The following ME3 variants were observed in gnomAD, a reference collection of about 807,000 sequenced individuals.
ME3 encodes NADP-dependent malic enzyme, mitochondrial.
ME3 carries 48 observed loss-of-function variants against 68.9 expected under a neutral mutation model. The observed-to-expected ratio is 0.70, with a 90% CI of 0.55 to 0.89. ME3 has a LOEUF of 0.89. Among genes scored for constraint, ME3 ranks in the 40% least tolerant of loss-of-function variants. The pLI is 0.00. For synonymous variants in ME3, 320 were observed against 318.8 expected, an observed-to-expected ratio of 1.00 and a Z score of -0.04; for missense variants, 675 against 797.4, an observed-to-expected ratio of 0.85 and a Z score of 1.85.
intron 7 of ME3, among the ~76,000 whole-genome samples, chr11:86,465,738 G>T (rs1950444494): frequency 6.6e-6 from 1 of 152,226 alleles, no homozygotes; most frequent in African/African-American, 2.4e-5. Context: ...AAGATGAAAG[G>T]ATGGTTAGGA....
intron 4 of ME3, among the ~76,000 whole-genome samples, chr11:86,530,249 A>G (rs79048672): frequency 6.6e-6 from 1 of 151,936 alleles, no homozygotes; most frequent in Admixed American, 6.6e-5. Context: ...CCATTCACAA[A>G]TGCTTCAAAG....
chr11:86,548,573 T>G (rs978249079), intron 4 of ME3, among the ~76,000 whole-genome samples: 1 of 152,194 alleles, frequency 6.6e-6, no homozygotes, highest in Non-Finnish European at 1.5e-5. Context: ...CCTGCAAGCT[T>G]TTTCTTGTCA....
intron 13 of ME3, among the ~76,000 whole-genome samples, chr11:86,444,020 A>G (rs951800803): frequency 3.9e-5 from 6 of 152,202 alleles, no homozygotes; most frequent in Non-Finnish European, 7.3e-5. Flanking sequence ...TCTATGGTGG[A>G]GAAGCCATAG....
chr11:86,536,014 A>C (rs1002059748), intron 4 of ME3, among the ~76,000 whole-genome samples: 1 of 152,166 alleles, frequency 6.6e-6, no homozygotes, highest in African/African-American at 2.4e-5. Flanking sequence ...TTAGTAGCAG[A>C]AAGAGTCCTG....
At chr11:86,672,089 G>A (rs1946990874) in intron 1 of ME3, 131 bp from the exon 2 acceptor site, 2 of 754,904 alleles carry the variant, frequency 2.6e-6, no homozygotes, top group South Asian at 3.4e-5. Flanking sequence ...AGGGTTAAAT[G>A]TTCCAGCCCC....
chr11:86,507,280 C>A (rs1466826593), intron 5 of ME3, among the ~76,000 whole-genome samples: 1 of 152,212 alleles, frequency 6.6e-6, no homozygotes, highest in Non-Finnish European at 1.5e-5. Flanking sequence ...ACACAGTGTA[C>A]TGTCACTGTT....
At chr11:86,592,326 C>T (rs1338210330) in intron 2 of ME3, among the ~76,000 whole-genome samples, 1 of 152,170 alleles carries the variant, frequency 6.6e-6, no homozygotes, top group South Asian at 2.1e-4. Flanking sequence ...TCACCACTTG[C>T]TCAAAGCCAG....
At chr11:86,668,261 T>A (rs1382985630) in intron 2 of ME3, 2 of 152,146 alleles carry the variant, frequency 1.3e-5, no homozygotes, top group Non-Finnish European at 2.9e-5. Context: ...AATGAAAATG[T>A]TGGATGAGAA....
chr11:86,595,057 C>T (rs1959199755), intron 2 of ME3, among the ~76,000 whole-genome samples: 1 of 144,656 alleles, frequency 6.9e-6, no homozygotes, highest in Admixed American at 7.4e-5. Context: ...AGAGCATTCA[C>T]AATAGAAGGG....
chr11:86,635,321 C>T (rs573561180), intron 2 of ME3, among the ~76,000 whole-genome samples: 8 of 152,280 alleles, frequency 5.3e-5, no homozygotes, highest in African/African-American at 1.4e-4. Context: ...CACGTGAGGA[C>T]GCCGTGAGAA....
chr11:86,661,214 T>G (rs679220), intron 2 of ME3, among the ~76,000 whole-genome samples: 28,646 of 152,216 alleles, frequency 0.19, 2,781 homozygotes, highest in South Asian at 0.23. Context: ...GAGCCATGAC[T>G]ACTACAAATG....
At chr11:86,549,846 G>A (rs374726084) in intron 4 of ME3, among the ~76,000 whole-genome samples, 54 of 152,308 alleles carry the variant, frequency 3.5e-4, no homozygotes, top group African/African-American at 1.2e-3. Flanking sequence ...GGCTTGGGTG[G>A]TGGGGCTGAA....
At chr11:86,522,724 G>A (rs1954418571) in intron 4 of ME3, among the ~76,000 whole-genome samples, 1 of 151,980 alleles carries the variant, frequency 6.6e-6, no homozygotes, top group South Asian at 2.1e-4. Context: ...TCTTTTTTAT[G>A]GCTGCATAGT....
intron 4 of ME3, among the ~76,000 whole-genome samples, chr11:86,510,174 A>C (rs1953410888): frequency 6.6e-6 from 1 of 152,080 alleles, no homozygotes; most frequent in African/African-American, 2.4e-5. Context: ...TTCTCAACCC[A>C]CTGCAGTATG....
chr11:86,670,413 G>A (rs552670109), intron 2 of ME3, among the ~76,000 whole-genome samples: 147 of 152,258 alleles, frequency 9.7e-4, no homozygotes, highest in Admixed American at 9.5e-3. Context: ...GGTTCAAGCC[G>A]TGCCTGCAAC....
At chr11:86,588,376 A>G (rs1958859456) in intron 2 of ME3, among the ~76,000 whole-genome samples, 1 of 152,234 alleles carries the variant, frequency 6.6e-6, no homozygotes, top group African/African-American at 2.4e-5. Flanking sequence ...ACACACATTA[A>G]TTACTTAACT....
At chr11:86,650,771 G>A (rs545764793) in intron 2 of ME3, among the ~76,000 whole-genome samples, 149 of 152,274 alleles carry the variant, frequency 9.8e-4, no homozygotes, top group African/African-American at 3.1e-3. Flanking sequence ...GCAGCACACC[G>A]AGCGTGAGCT....
chr11:86,585,560 G>A (rs1222425047), intron 2 of ME3, among the ~76,000 whole-genome samples: 2 of 152,224 alleles, frequency 1.3e-5, no homozygotes, highest in Non-Finnish European at 2.9e-5. Context: ...TTTTGGGTGG[G>A]AGTGGAAGGA....
intron 7 of ME3, among the ~76,000 whole-genome samples, chr11:86,481,397 C>T (rs2138878576): frequency 6.6e-6 from 1 of 152,180 alleles, no homozygotes; most frequent in South Asian, 2.1e-4. Flanking sequence ...CTATGAGAAT[C>T]ATTAGGACAG....
Sources: allele counts gnomAD v4.1 joint callset (sites outside exome capture counted in the v4.1 genomes callset), GRCh38; gene constraint gnomAD v4.1.1; transcripts MANE v1.5; gene names NCBI Gene and HGNC (gene_info 2026-07-23, HGNC 2026-07-21).